Variants in KAZN observed in about 807,000 individuals in gnomAD.
The protein encoded by KAZN is kazrin, periplakin interacting protein, also known as kazrin.
KAZN carries 40 observed loss-of-function variants against 87.4 expected under a neutral mutation model. That is an observed-to-expected ratio of 0.46 (90% CI 0.36 to 0.60). The LOEUF is 0.60. Ranked by LOEUF, KAZN falls within the 20% of genes least tolerant of loss-of-function variation. KAZN has a pLI of 0.00. For missense variants in KAZN, 898 were observed against 1,073.9 expected, an observed-to-expected ratio of 0.84 and a Z score of 2.29; for synonymous variants, 466 against 458.3, an observed-to-expected ratio of 1.02 and a Z score of -0.22.
chr1:14,336,909 T>C (rs1657310111), intron 2 of KAZN, among the ~76,000 whole-genome samples: 1 of 152,206 alleles, frequency 6.6e-6, no homozygotes, highest in Non-Finnish European at 1.5e-5. Context: ...TTCTCCATCT[T>C]GATAGTGTCC....
intron 2 of KAZN, among the ~76,000 whole-genome samples, chr1:14,503,540 A>C (rs1557762803): frequency 6.7e-6 from 1 of 148,294 alleles, no homozygotes; most frequent in East Asian, 2.0e-4. Flanking sequence ...TATCCTGGCT[A>C]TACTAGATGA....
chr1:14,834,797 G>A (rs1647172022), intron 1 of KAZN, among the ~76,000 whole-genome samples: 1 of 149,444 alleles, frequency 6.7e-6, no homozygotes, highest in African/African-American at 2.5e-5. Flanking sequence ...GGAGCTTGGA[G>A]CCTAGGGGAA....
chr1:14,858,203 C>CTTTCTTTTTTT (rs1650367076), intron 1 of KAZN, among the ~76,000 whole-genome samples: 1 of 95,104 alleles, frequency 1.1e-5, no homozygotes, highest in African/African-American at 5.3e-5. Context: ...TTTCTTTTTT[C>CTTTCTTTTTTT]TTTTTCTTTT....
intron 1 of KAZN, among the ~76,000 whole-genome samples, chr1:14,958,815 T>TGGAGGGAAGGGGAAGGCAGTGTGG (rs1375985340): frequency 2.8e-4 from 43 of 151,942 alleles, no homozygotes; most frequent in African/African-American, 1.0e-3. Context: ...TGATCTGGAA[T>TGGAGGGAAGGGGAAGGCAGTGTGG]GGAGGGAAGG....
In KAZN at chr1:14,847,913, G is replaced by A. The variant is rs556011999; in HGVS notation, c.227-112771G>A. On this transcript the variant is annotated intron_variant, in intron 1 of 14. Coordinates refer to ENST00000376030, the MANE Select transcript of KAZN (RefSeq NM_201628.3). ...GAGGATCACTCGAGCCCAGGAGTTC[G>A]AGGCTGCAGTGAACTATGATCAGGC... Among the ~76,000 whole-genome samples, 243 of 152,310 alleles carry A rather than the reference G, an allele frequency of 1.6e-3. 1 individual carries two copies. The highest frequency in any genetic ancestry group is 0.01 in the Middle Eastern group (3 of 294).
At chr1:14,780,980 C>T (rs1488059841) in intron 1 of KAZN, among the ~76,000 whole-genome samples, 3 of 152,154 alleles carry the variant, frequency 2.0e-5, no homozygotes, top group East Asian at 1.9e-4. Flanking sequence ...CAGAGGGTGC[C>T]GAGTGGAGTG....
chr1:14,847,747 G>A (rs371963615), intron 1 of KAZN, among the ~76,000 whole-genome samples: 1 of 152,222 alleles, frequency 6.6e-6, no homozygotes, highest in African/African-American at 2.4e-5. Flanking sequence ...TTGGGAAGCC[G>A]AGGTGGGAGG....
intron 1 of KAZN, among the ~76,000 whole-genome samples, chr1:14,765,438 G>C (rs1033199641): frequency 6.6e-6 from 1 of 152,208 alleles, no homozygotes; most frequent in Non-Finnish European, 1.5e-5. Context: ...CCAGTCTGGG[G>C]TATGGTCCTT....
At chr1:14,474,599 G>A (rs1005802288) in intron 2 of KAZN, among the ~76,000 whole-genome samples, 1 of 152,132 alleles carries the variant, frequency 6.6e-6, no homozygotes, top group African/African-American at 2.4e-5. Flanking sequence ...GACAACCAGA[G>A]CAGTCTTAAA....
intron 2 of KAZN, among the ~76,000 whole-genome samples, chr1:14,229,687 T>C (rs906864655): frequency 1.3e-5 from 2 of 152,254 alleles, no homozygotes. Flanking sequence ...TTTGGACCCT[T>C]TCAGGGCCCA....
chr1:14,024,548 A>G (rs115225805), intron 1 of KAZN, among the ~76,000 whole-genome samples: 1,997 of 152,348 alleles, frequency 0.013, 55 homozygotes, highest in Admixed American at 0.065. Context: ...CTCCTTGTGA[A>G]AACAGTCAAC....
At chr1:13,943,451 A>AATTCTT (rs1325982291) in intron 1 of KAZN, among the ~76,000 whole-genome samples, 1 of 152,036 alleles carries the variant, frequency 6.6e-6, no homozygotes. Flanking sequence ...TGTTAAAAAA[A>AATTCTT]ATTTTTTAAA....
intron 1 of KAZN, among the ~76,000 whole-genome samples, chr1:14,623,754 C>CTT (rs369847872): frequency 3.3e-5 from 5 of 151,332 alleles, no homozygotes; most frequent in African/African-American, 1.2e-4. Flanking sequence ...TCATTTTCAT[C>CTT]TTTTTTTTTC....
intron 1 of KAZN, among the ~76,000 whole-genome samples, chr1:14,948,262 T>G (rs993779763): frequency 1.3e-5 from 2 of 152,198 alleles, no homozygotes; most frequent in African/African-American, 4.8e-5. Context: ...AGGGATAGGA[T>G]CTGGCTTCAG....
At chr1:14,695,805 C>T (rs1036549836) in intron 1 of KAZN, among the ~76,000 whole-genome samples, 2 of 151,964 alleles carry the variant, frequency 1.3e-5, no homozygotes, top group South Asian at 2.1e-4. Context: ...TGCCCGGCCT[C>T]TCCACCCTGT....
At chr1:14,110,879 A>G (rs571313586) in intron 1 of KAZN, among the ~76,000 whole-genome samples, 1 of 135,594 alleles carries the variant, frequency 7.4e-6, no homozygotes. Flanking sequence ...AATAAAATAT[A>G]TATTACAATT....
At chr1:14,983,509 G>A (rs375053785) in intron 2 of KAZN, among the ~76,000 whole-genome samples, 2 of 152,128 alleles carry the variant, frequency 1.3e-5, no homozygotes, top group Non-Finnish European at 2.9e-5. Flanking sequence ...GCAAAGTGAC[G>A]TGACCCCTGT....
chr1:14,176,430 C>T lies in KAZN; in HGVS notation c.92-4005C>T, dbSNP rs112510013. Among the ~76,000 whole-genome samples the T allele has an allele frequency of 7.2e-3, 1,098 of 151,678 alleles. 19 individuals are homozygous for T. The highest frequency in any genetic ancestry group is 0.025 in the African/African-American group (1,043 of 41,390). On this transcript the variant is annotated intron_variant, in intron 1 of 16. Coordinates refer to the KAZN transcript ENST00000636203. ...ACCATTTCCACCCCAATATCAGCTG[C>T]CACAGCTGCCACAGCTGCCCAGGGC...
chr1:14,096,104 G>C (rs1053267423), intron 1 of KAZN, among the ~76,000 whole-genome samples: 1 of 152,172 alleles, frequency 6.6e-6, no homozygotes, highest in Non-Finnish European at 1.5e-5. Context: ...TGATAGAAAA[G>C]ATTGGAATAA....
Sources: allele counts gnomAD v4.1 joint callset (sites outside exome capture counted in the v4.1 genomes callset), GRCh38; gene constraint gnomAD v4.1.1; transcripts MANE v1.5; gene names NCBI Gene and HGNC (gene_info 2026-07-23, HGNC 2026-07-21).